ATXN10: variants seen among roughly 807,000 people sequenced by gnomAD.
ATXN10 encodes the protein ataxin-10.
Under a neutral mutation model 52.9 loss-of-function variants are expected in ATXN10, and 28 were observed. The ratio of observed to expected loss-of-function variants is 0.53; its 90% CI spans 0.39 to 0.73. ATXN10 has a LOEUF of 0.73. Ranked by LOEUF, ATXN10 falls within the 30% of genes least tolerant of loss-of-function variation. The pLI is 0.00. For synonymous variants in ATXN10, 226 were observed against 221.5 expected, an observed-to-expected ratio of 1.02 and a Z score of -0.18; for missense variants, 565 against 577.0, an observed-to-expected ratio of 0.98 and a Z score of 0.21.
chr22:45,738,579 T>G (rs140604666), intron 7 of ATXN10, 152 bp from the exon 8 acceptor site: 2 of 665,724 alleles, frequency 3.0e-6, no homozygotes, highest in African/African-American at 3.6e-5. Context: ...TACTTCTGTT[T>G]TGTTCTTCAT....
chr22:45,776,443 C>T (rs1199172899), intron 9 of ATXN10, among the ~76,000 whole-genome samples: 2 of 151,834 alleles, frequency 1.3e-5, no homozygotes, highest in African/African-American at 2.4e-5. Flanking sequence ...TTTCCCCTCT[C>T]AGGAAAGTTC....
chr22:45,731,504 TAG>T (rs914742691), intron 7 of ATXN10, among the ~76,000 whole-genome samples: 3 of 152,174 alleles, frequency 2.0e-5, no homozygotes, highest in African/African-American at 2.4e-5. Flanking sequence ...TAAAAGATGA[TAG>T]AGAGTTCCTT....
intron 9 of ATXN10, among the ~76,000 whole-genome samples, chr22:45,796,530 C>G (rs1222101087): frequency 1.3e-5 from 2 of 152,200 alleles, no homozygotes; most frequent in Admixed American, 1.3e-4. Context: ...CAAGGGGCAT[C>G]ACGGAACCTG....
Position 45,843,131 on chromosome 22 carries a change from A to G in ATXN10, c.1378A>G (p.Lys460Glu). The G allele has an allele frequency of 6.2e-7, 1 of 1,614,142 alleles. No homozygotes were observed. Among genetic ancestry groups the G allele is most frequent in the Non-Finnish European group, 8.5e-7 (1 of 1,179,972 alleles). The change falls in exon 11 of 12, where the codon AAA (lysine) becomes GAA (glutamate). Residue 460 changes from lysine (K) to glutamate (E), a missense_variant. Coordinates refer to ENST00000252934, the MANE Select transcript of ATXN10 (RefSeq NM_013236.4). This position sits in a 1 kb window ranked among gnomAD's most constrained non-coding sequence, Gnocchi z 4.5. The part of the protein sequence containing the change: ...LKKVGFEVEK[K>E]GEKLILKSTR... ...AAAAGTGGGTTTTGAAGTTGAAAAG[A>G]AAGGCGAAAAGCTGATCCTGAAATC...
intron 9 of ATXN10, among the ~76,000 whole-genome samples, chr22:45,765,862 T>G (rs918951643): frequency 6.6e-6 from 1 of 152,232 alleles, no homozygotes; most frequent in African/African-American, 2.4e-5. Context: ...CCCTCAGGTT[T>G]TTTTTGAGCT....
intron 1 of ATXN10, among the ~76,000 whole-genome samples, chr22:45,682,349 C>G (rs1922959384): frequency 6.6e-6 from 1 of 151,930 alleles, no homozygotes; most frequent in African/African-American, 2.4e-5. Context: ...CAGGGTCTCG[C>G]TCTGTCACCC....
At position 45,819,192 on chromosome 22, in the gene ATXN10, A is replaced by AAATAGAATAG. The variant is rs56195245; in HGVS notation, c.1237+12221_1237+12230dup. Among the ~76,000 whole-genome samples, 8,877 of 147,510 alleles carry AAATAGAATAG rather than the reference A, an allele frequency of 0.06. 313 individuals are homozygous for AAATAGAATAG. Among genetic ancestry groups the AAATAGAATAG allele is most frequent in the African/African-American group, 0.077 (3,068 of 39,628 alleles). The stretch of plus-strand genomic sequence containing the variant: ...TCTGTAGTATGAAGAATAGAATAGA[A>AAATAGAATAG]AATAGAATAGAATAGAATAGAATAG... On this transcript the variant is annotated intron_variant, in intron 10 of 11. Transcript: ENST00000252934. This position sits in a 1 kb window ranked among gnomAD's most constrained non-coding sequence, Gnocchi z 4.5.
At chr22:45,685,499 A>G (rs111935443) in intron 1 of ATXN10, among the ~76,000 whole-genome samples, 2 of 152,234 alleles carry the variant, frequency 1.3e-5, no homozygotes, top group Non-Finnish European at 2.9e-5. Flanking sequence ...AAATGACAGC[A>G]GTTATTATTA....
chr22:45,736,102 C>T (rs970512958), intron 7 of ATXN10, among the ~76,000 whole-genome samples: 1 of 151,982 alleles, frequency 6.6e-6, no homozygotes, highest in South Asian at 2.1e-4. Flanking sequence ...AAGGAGACTT[C>T]CAGTTCATCT....
At chr22:45,777,000 A>G (rs1926982612) in intron 9 of ATXN10, among the ~76,000 whole-genome samples, 1 of 152,246 alleles carries the variant, frequency 6.6e-6, no homozygotes, top group Non-Finnish European at 1.5e-5. Flanking sequence ...TGTCATTTGA[A>G]TAGTGGACAA....
chr22:45,698,022 A>G (rs776143212), intron 3 of ATXN10, among the ~76,000 whole-genome samples: 1 of 152,192 alleles, frequency 6.6e-6, no homozygotes, highest in East Asian at 1.9e-4. Context: ...TTGTTTTGAT[A>G]TATCACATTT....
At chr22:45,697,787 C>T (rs550084458) in intron 3 of ATXN10, among the ~76,000 whole-genome samples, 3 of 152,142 alleles carry the variant, frequency 2.0e-5, no homozygotes, top group South Asian at 2.1e-4. Context: ...CCCGCCACCA[C>T]GCCCAGCTAA....
intron 9 of ATXN10, among the ~76,000 whole-genome samples, chr22:45,802,485 A>G (rs1927962320): frequency 6.6e-6 from 1 of 152,240 alleles, no homozygotes; most frequent in Admixed American, 6.5e-5. Context: ...TGCTTTTCCC[A>G]GTGACCTTAA....
rs1201358346 is a variant in ATXN10 at position 45,688,171 on chromosome 22, C to A, written c.117-1541C>A. Among the ~76,000 whole-genome samples the A allele has an allele frequency of 6.6e-6, 1 of 152,128 alleles. No individual in the cohort carries two copies. Among genetic ancestry groups the A allele is most frequent in the Admixed American group, 6.6e-5 (1 of 15,266 alleles). On this transcript the variant is annotated intron_variant, in intron 1 of 11. Coordinates refer to ENST00000252934, the MANE Select transcript of ATXN10 (RefSeq NM_013236.4). This position sits in a 1 kb window ranked among gnomAD's most constrained non-coding sequence, Gnocchi z 4.0. ...TTATTGAGGCAAGATTAGTGCTGTA[C>A]CCTTGAATTTTCATTTCTTAATTTG...
At chr22:45,785,413 A>G (rs913284624) in intron 9 of ATXN10, among the ~76,000 whole-genome samples, 1 of 152,234 alleles carries the variant, frequency 6.6e-6, no homozygotes, top group Non-Finnish European at 1.5e-5. Context: ...CTGTGCTTCT[A>G]CTTTTTTTCT....
chr22:45,832,248 C>T (rs567366644), intron 10 of ATXN10, among the ~76,000 whole-genome samples: 18 of 152,362 alleles, frequency 1.2e-4, no homozygotes, highest in African/African-American at 4.3e-4. Flanking sequence ...CCTGAAGGAG[C>T]TGGCCTTGAC....
intron 9 of ATXN10, among the ~76,000 whole-genome samples, chr22:45,777,330 G>T (rs1926995867): frequency 6.6e-6 from 1 of 152,196 alleles, no homozygotes; most frequent in Non-Finnish European, 1.5e-5. Context: ...ATTCTTTAAT[G>T]ATGATGGAAT....
rs135994 is a variant in ATXN10 at position 45,784,181 on chromosome 22, A to T, written c.1174-22778A>T. 0.69 allele frequency among the ~76,000 whole-genome samples: 105,362 copies of T among 151,708 alleles called. 36,710 individuals are homozygous for T. Among genetic ancestry groups the T allele is most frequent in the South Asian group, 0.75 (3,608 of 4,798 alleles). On this transcript the variant is annotated intron_variant, in intron 9 of 11. Coordinates refer to ENST00000252934, the MANE Select transcript of ATXN10 (RefSeq NM_013236.4). This position sits in a 1 kb window ranked among gnomAD's most constrained non-coding sequence, Gnocchi z 4.2. ...CTGCAATTTGTGTGGTACAATTTTT[A>T]AAAAAAAATGTACATTTTTAAATTA...
chr22:45,729,284 A>G (rs1429928784), intron 6 of ATXN10, 141 bp from the exon 7 acceptor site: 14 of 808,488 alleles, frequency 1.7e-5, no homozygotes, highest in Admixed American at 4.9e-5. Context: ...AACTTTATTC[A>G]TGTTTTTCCT....
Sources: allele counts gnomAD v4.1 joint callset (sites outside exome capture counted in the v4.1 genomes callset), GRCh38; gene constraint gnomAD v4.1.1; non-coding constraint Gnocchi (gnomAD v3.1); transcripts MANE v1.5; gene names NCBI Gene and HGNC (gene_info 2026-07-23, HGNC 2026-07-21).